The following OLFML3 variants were observed in gnomAD, a reference collection of about 807,000 sequenced individuals.
OLFML3 encodes olfactomedin-like protein 3.
Under a neutral mutation model 36.0 loss-of-function variants are expected in OLFML3, and 26 were observed. The observed-to-expected ratio is 0.72, with a 90% CI of 0.53 to 1.00. The LOEUF (loss-of-function observed/expected upper bound fraction) is 1.00, where lower values mean the gene tolerates loss of function less well. Among genes scored for constraint, OLFML3 ranks in the 50% least tolerant of loss-of-function variants. The probability of loss-of-function intolerance (pLI) is 0.00; values close to 1 mark genes in which losing one functional copy is unlikely to be tolerated. For synonymous variants in OLFML3, 184 were observed against 201.2 expected, an observed-to-expected ratio of 0.91 and a Z score of 0.72; for missense variants, 503 against 519.4, an observed-to-expected ratio of 0.97 and a Z score of 0.31.
At chr1:113,979,654 G>A (rs200979784) in intron 1 of OLFML3, 24 bp downstream of exon 1, 107 of 1,520,850 alleles carry the variant, frequency 7.0e-5, no homozygotes, top group Non-Finnish European at 9.2e-5. Context: ...TTCTCTTCTA[G>A]CCCCGCCTAG....
At chr1:113,980,116 A>G (rs1487212460) in intron 1 of OLFML3, 2 of 1,550,216 alleles carry the variant, frequency 1.3e-6, no homozygotes, top group Non-Finnish European at 1.7e-6. Flanking sequence ...GCTGGAGGAC[A>G]TGGAGTCGGG....
rs1328560042 is a variant in OLFML3 at position 113,980,565 on chromosome 1, C to T, written c.348C>T (p.Gly116=). ...CVEFDEKVTG[G]PGTKGKGRRN... ...AGTTTGATGAGAAGGTGACTGGAGG[C>T]CCTGGGACCAAAGGCAAGGGAAGAA... The change falls in exon 2 of 3, where the codon GGC becomes GGT. Residue 116 remains glycine (G), a synonymous_variant. Coordinates refer to ENST00000320334, the MANE Select transcript of OLFML3 (RefSeq NM_020190.5). 2 of 1,611,778 alleles carry T rather than the reference C, an allele frequency of 1.2e-6. No individual in the cohort carries two copies. Among genetic ancestry groups the T allele is most frequent in the East Asian group, 4.5e-5 (2 of 44,856 alleles).
In OLFML3 at chr1:113,981,490, AC is replaced by A. The variant is rs779839630; in HGVS notation, c.944del (p.Pro315HisfsTer41). ...TGGACACAGAGCAGCAGTGGGACAC[AC>A]CATGTCCCAGAGAGAATGCTGAGGC... ...TLDTEQQWDT[P>X]CPRENAEAAF... is the part of the protein sequence containing the mutation. On this transcript the variant is annotated frameshift_variant, in exon 3 of 3. Coordinates refer to ENST00000320334, the MANE Select transcript of OLFML3 (RefSeq NM_020190.5). LOFTEE classifies it high-confidence loss of function. 3.1e-6 allele frequency: 5 copies of A among 1,613,984 alleles called. No individual in the cohort carries two copies. The highest frequency in any genetic ancestry group is 3.4e-6 in the Non-Finnish European group (4 of 1,180,006).
chr1:113,981,440 C>T lies in OLFML3; in HGVS notation c.892C>T (p.Leu298=), dbSNP rs959781345. The change falls in exon 3 of 3, where the codon CTG becomes TTG. Residue 298 remains leucine, a synonymous_variant. Transcript: ENST00000320334. ...ATREDDRHLC[L]AKLDPQTLDT... is the part of the protein sequence containing the mutation. The stretch of plus-strand genomic sequence containing the variant: ...CCGGGAGGATGACAGGCACTTGTGT[C>T]TGGCCAAGTTAGATCCACAGACACT... 4.3e-6 allele frequency: 7 copies of T among 1,613,046 alleles called. No individual in the cohort carries two copies. The highest frequency in any genetic ancestry group is 4.0e-5 in the African/African-American group (3 of 74,900).
rs754030839 is a variant in OLFML3, at chr1:113,981,751, G to T, written c.1203G>T (p.Lys401Asn). The T allele has an allele frequency of 1.2e-6, 2 of 1,613,590 alleles. No individual in the cohort carries two copies. The highest frequency in any genetic ancestry group is 2.2e-5 in the South Asian group (2 of 90,898). Reference protein sequence around the residue: ...YQIVYKLEMRKKEEEV With the variant: ...YQIVYKLEMRNKEEEV Reference sequence around the variant, plus strand: ...TTGTCTATAAGCTGGAGATGAGGAAGAAAGAGGAGGAGGTTTGAGGAGCTA... The same window carrying T: ...TTGTCTATAAGCTGGAGATGAGGAATAAAGAGGAGGAGGTTTGAGGAGCTA... The change falls in exon 3 of 3, where the codon AAG becomes AAT. Residue 401 changes from lysine to asparagine, a missense_variant. By Grantham distance (94) the Lys-to-Asn change is moderately conservative (BLOSUM62 0). Transcript: ENST00000320334.
chr1:113,981,302 G>A lies in OLFML3; in HGVS notation c.754G>A (p.Val252Met), dbSNP rs745955656. The A allele has an allele frequency of 2.5e-6, 4 of 1,602,572 alleles. No individual in the cohort carries two copies. Among genetic ancestry groups the A allele is most frequent in the East Asian group, 2.2e-5 (1 of 44,778 alleles). Residue 252 changes from valine to methionine, a missense_variant, in exon 3 of 3, where the codon GTG becomes ATG. Physicochemically the swap from Val to Met is conservative, Grantham distance 21. Transcript: ENST00000320334. ...IKFHLANRTVVDSSVFPAEGL... is the reference protein window; with the variant it reads ...IKFHLANRTVMDSSVFPAEGL... The stretch of plus-strand genomic sequence containing the variant: ...ATTCCACCTGGCAAACCGAACAGTG[G>A]TGGACAGCTCAGTATTCCCAGCAGA...
At chr1:113,980,057 C>A (rs1173144678) in intron 1 of OLFML3, 8 of 1,547,500 alleles carry the variant, frequency 5.2e-6, no homozygotes, top group Non-Finnish European at 7.0e-6. Flanking sequence ...GCGCTTAGAC[C>A]TGCCTAGAGG....
rs145960982 is a variant in OLFML3 at position 113,979,668 on chromosome 1, G to C, written c.114+38G>C. The C allele has an allele frequency of 3.5e-3, 4,909 of 1,400,038 alleles. 232 individuals are homozygous for C. The Admixed American group carries it at 0.077, about 22-fold the overall frequency. The allele number at this position is 1,400,038 out of a possible 1,614,324, so 86.7% of individuals were successfully genotyped here. A position where few individuals can be genotyped will look rare whatever the true frequency, so the allele number is the denominator to read the frequency against. On this transcript the variant is annotated intron_variant, in intron 1 of 2. Coordinates refer to ENST00000320334, the MANE Select transcript of OLFML3 (RefSeq NM_020190.5). ...TTTCTCTTCTAGCCCCGCCTAGAAGGATTCCAGGGCTATTGGTTCAACCAG... is the reference window on the plus strand; with the variant it reads ...TTTCTCTTCTAGCCCCGCCTAGAAGCATTCCAGGGCTATTGGTTCAACCAG...
chr1:113,981,061 G>A lies in OLFML3; in HGVS notation c.513G>A (p.Val171=). 1 of 1,609,512 alleles carries A rather than the reference G, an allele frequency of 6.2e-7. No individual in the cohort carries two copies. Among genetic ancestry groups the A allele is most frequent in the Non-Finnish European group, 8.5e-7 (1 of 1,177,142 alleles). ...TGGGGCAAACAGAGAAGATCTACGT[G>A]TTAGATGGGACACAGAATGACACAG... ...DPLGQTEKIY[V]LDGTQNDTAF... Residue 171 remains valine (V), a synonymous_variant, in exon 3 of 3, where the codon GTG becomes GTA. Coordinates refer to ENST00000320334, the MANE Select transcript of OLFML3 (RefSeq NM_020190.5).
intron 1 of OLFML3, 28 bp downstream of exon 1, chr1:113,979,658 C>T (rs754497240): frequency 7.5e-6 from 11 of 1,463,768 alleles, no homozygotes; most frequent in Admixed American, 3.3e-5. Flanking sequence ...CTTCTAGCCC[C>T]GCCTAGAAGG....
At position 113,981,181 on chromosome 1, in the gene OLFML3, G is replaced by A. The variant is rs759543488; in HGVS notation, c.633G>A (p.Gly211=). ...TGCCCTTCCCCTGGGTAGGCACAGG[G>A]CAGCTGGTATATGGTGGCTTTCTTT... ...VRVPFPWVGT[G]QLVYGGFLYF... is the part of the protein sequence containing the mutation. Residue 211 remains glycine (G), a synonymous_variant, in exon 3 of 3, where the codon GGG becomes GGA. Coordinates refer to ENST00000320334, the MANE Select transcript of OLFML3 (RefSeq NM_020190.5). 1 of 1,614,254 alleles carries A rather than the reference G, an allele frequency of 6.2e-7. No homozygotes were observed. The highest frequency in any genetic ancestry group is 8.5e-7 in the Non-Finnish European group (1 of 1,180,048).
chr1:113,980,647 CT>C (rs773829339), intron 2 of OLFML3, 30 bp downstream of exon 2: 8 of 1,526,056 alleles, frequency 5.2e-6, no homozygotes, highest in East Asian at 4.6e-5. Context: ...GCCCCTAACT[CT>C]TCTCAGAACC....
At chr1:113,980,916 C>G (rs1262391898) in intron 2 of OLFML3, 33 bp from the exon 3 acceptor site, 1 of 1,497,162 alleles carries the variant, frequency 6.7e-7, no homozygotes, top group South Asian at 1.4e-5. Context: ...TAATTCTTGC[C>G]TCTATTTCCT....
At position 113,981,514 on chromosome 1, in the gene OLFML3, G is replaced by A. The variant is rs564632039; in HGVS notation, c.966G>A (p.Glu322=). 33 of 1,614,080 alleles carry A rather than the reference G, an allele frequency of 2.0e-5. No individual in the cohort carries two copies. In the East Asian group the frequency reaches 7.1e-4, roughly 35 times the overall value. The change falls in exon 3 of 3, where the codon GAG becomes GAA. Residue 322 remains glutamate (E), a synonymous_variant. Coordinates refer to ENST00000320334, the MANE Select transcript of OLFML3 (RefSeq NM_020190.5). Reference sequence around the variant, plus strand: ...CACCATGTCCCAGAGAGAATGCTGAGGCTGCCTTTGTCATCTGTGGGACCC... The same window carrying A: ...CACCATGTCCCAGAGAGAATGCTGAAGCTGCCTTTGTCATCTGTGGGACCC... ...WDTPCPRENA[E]AAFVICGTLY...
rs1054646232 is a variant in OLFML3 at position 113,981,465 on chromosome 1, T to C, written c.917T>C (p.Leu306Pro). ...LCLAKLDPQTLDTEQQWDTPC... is the reference protein window; with the variant it reads ...LCLAKLDPQTPDTEQQWDTPC... ...CTGGCCAAGTTAGATCCACAGACAC[T>C]GGACACAGAGCAGCAGTGGGACACA... Residue 306 changes from leucine (L) to proline (P), a missense_variant, in exon 3 of 3, where the codon CTG becomes CCG. Coordinates refer to ENST00000320334, the MANE Select transcript of OLFML3 (RefSeq NM_020190.5). 30 of 1,613,766 alleles carry C rather than the reference T, an allele frequency of 1.9e-5. No homozygotes were observed. Among genetic ancestry groups the C allele is most frequent in the Non-Finnish European group, 2.2e-5 (26 of 1,179,922 alleles).
At position 113,980,795 on chromosome 1, in the gene OLFML3, G is replaced by A. The variant is rs1424188587; in HGVS notation, c.401-154G>A. ...AGGAGAGGTTCTGGGGATCCAGGCCGCTGTGGTACCCGCTCTTTCTCAATT... is the reference window on the plus strand; with the variant it reads ...AGGAGAGGTTCTGGGGATCCAGGCCACTGTGGTACCCGCTCTTTCTCAATT... On this transcript the variant is annotated intron_variant, in intron 2 of 2. Transcript: ENST00000320334. 65 of 993,220 alleles carry A rather than the reference G, an allele frequency of 6.5e-5. No homozygotes were observed. The South Asian group carries it at 8.5e-4, about 13-fold the overall frequency. The allele number at this position is 993,220 out of a possible 1,614,324, so 61.5% of individuals were successfully genotyped here.
In OLFML3 at chr1:113,979,822, C is replaced by G. The variant is rs946072227; in HGVS notation, c.114+192C>G. Among the ~76,000 whole-genome samples, 4 of 152,228 alleles carry G rather than the reference C, an allele frequency of 2.6e-5. No individual in the cohort carries two copies. The South Asian group carries it at 6.2e-4, about 24-fold the overall frequency. On this transcript the variant is annotated intron_variant, in intron 1 of 2. Transcript: ENST00000320334. The stretch of plus-strand genomic sequence containing the variant: ...CACATAGAACAATTCCAAAGCAAAT[C>G]GACTTTTGCGTTTTACCTCTGGGAT...
rs1346914008 is a variant in OLFML3 at position 113,981,864 on chromosome 1, AG to A, written c.*96del. The A allele has an allele frequency of 2.1e-4, 244 of 1,141,504 alleles. 2 individuals carry two copies. The Middle Eastern group carries it at 0.011, about 54-fold the overall frequency. The allele number at this position is 1,141,504 out of a possible 1,614,324, so 70.7% of individuals were successfully genotyped here. The stretch of plus-strand genomic sequence containing the variant: ...GTTCCTCATTCTTCAAATGTGGGCC[AG>A]TTGTGGCTCAAATCCTCTATATTTT... On this transcript the variant is annotated 3_prime_UTR_variant, in exon 3 of 3. Coordinates refer to ENST00000320334, the MANE Select transcript of OLFML3 (RefSeq NM_020190.5).
At chr1:113,980,752 G>C (rs1673382453) in intron 2 of OLFML3, 135 bp downstream of exon 2, 5 of 1,095,274 alleles carry the variant, frequency 4.6e-6, no homozygotes, top group Non-Finnish European at 6.4e-6. Context: ...GGAAACCTCT[G>C]TAATGCCAGG....
Sources: allele counts gnomAD v4.1 joint callset (sites outside exome capture counted in the v4.1 genomes callset), GRCh38; gene constraint gnomAD v4.1.1; transcripts MANE v1.5; gene names NCBI Gene and HGNC (gene_info 2026-07-23, HGNC 2026-07-21).